PARP14: variants seen among roughly 807,000 people sequenced by gnomAD.
PARP14 encodes the protein protein mono-ADP-ribosyltransferase PARP14.
Under a neutral mutation model 154.2 loss-of-function variants are expected in PARP14, and 59 were observed. The observed-to-expected ratio is 0.38, with a 90% confidence interval of 0.31 to 0.48. The LOEUF (loss-of-function observed/expected upper bound fraction) is 0.48. PARP14 is among the 20% of genes least tolerant of loss of function. The pLI is 0.98. For missense variants in PARP14, 1,734 were observed against 2,131.6 expected (o/e 0.81, Z 3.67); for synonymous variants, 720 against 780.5 (o/e 0.92, Z 1.29).
In PARP14 at chr3:122,704,759, A is replaced by C. The variant is rs752245725; in HGVS notation, c.3540+11A>C. The C allele has an allele frequency of 4.0e-6, 6 of 1,503,280 alleles. No individual in the cohort carries two copies. The highest frequency in any genetic ancestry group is 5.5e-6 in the Non-Finnish European group (6 of 1,096,900). The allele number at this position is 1,503,280 out of a possible 1,614,324, so 93.1% of individuals were successfully genotyped here. ...CATGAAAATATTCAGGTACAGTGCC[A>C]CTAATTTCTGATTATTTTGGCAACT... On this transcript the variant is annotated intron_variant, in intron 8 of 16. Coordinates refer to ENST00000474629, the MANE Select transcript of PARP14 (RefSeq NM_017554.3).
chr3:122,699,297 A>AT (rs905133099), intron 5 of PARP14, 93 bp from the exon 6 acceptor site: 477 of 661,728 alleles, frequency 7.2e-4, no homozygotes, highest in South Asian at 1.0e-3. Context: ...AAAACATTAG[A>AT]TTTTTTTTTC....
chr3:122,691,257 T>C (rs1481039793), intron 3 of PARP14, among the ~76,000 whole-genome samples: 1 of 152,204 alleles, frequency 6.6e-6, no homozygotes, highest in African/African-American at 2.4e-5. Context: ...TCTCCTTACA[T>C]CCAGGGTCTT....
intron 1 of PARP14, chr3:122,683,316 T>C (rs1318051078): frequency 2.0e-6 from 2 of 978,840 alleles, no homozygotes; most frequent in African/African-American, 1.8e-5. Context: ...TGCGGGCCCA[T>C]AGCATAACCT....
intron 5 of PARP14, among the ~76,000 whole-genome samples, chr3:122,698,623 C>T (rs1938855273): frequency 6.6e-6 from 1 of 152,142 alleles, no homozygotes. Context: ...TCCAAGTTAT[C>T]TAACCTTTCC....
In PARP14 at chr3:122,718,848, C is replaced by G; in HGVS notation, c.4697C>G (p.Thr1566Arg). Residue 1566 changes from threonine (T) to arginine (R), a missense_variant, in exon 14 of 17, where the codon ACA becomes AGA. Thr to Arg is a moderately conservative substitution (Grantham distance 71). Coordinates refer to ENST00000474629, the MANE Select transcript of PARP14 (RefSeq NM_017554.3). The stretch of plus-strand genomic sequence containing the variant: ...GATGCAAGGAGAGAAAAGAAAAAAA[C>G]AGTTGATGTCAAAATTAATCATCGG... ...LEDARREKKK[T>R]VDVKINHRHY... The G allele has an allele frequency of 1.2e-6, 2 of 1,613,864 alleles. No homozygotes were observed. Among genetic ancestry groups the G allele is most frequent in the Non-Finnish European group, 1.7e-6 (2 of 1,179,824 alleles).
Position 122,687,660 on chromosome 3 carries a change from C to T in PARP14, c.355+547C>T, listed in dbSNP as rs115746748. On this transcript the variant is annotated intron_variant, in intron 3 of 16. Coordinates refer to ENST00000474629, the MANE Select transcript of PARP14 (RefSeq NM_017554.3). ...CTCATCTGCTCTAGGAAACAGCCAG[C>T]GACCAATTAGCTGTTGTGGACTCCA... 9.1e-3 allele frequency among the ~76,000 whole-genome samples: 1,381 copies of T among 152,300 alleles called. 29 individuals carry two copies. Among genetic ancestry groups the T allele is most frequent in the Admixed American group, 0.043 (653 of 15,294 alleles).
rs986252483 is a variant in PARP14 at position 122,713,585 on chromosome 3, A to G, written c.3769+12A>G. On this transcript the variant is annotated intron_variant, in intron 10 of 16. Coordinates refer to ENST00000474629, the MANE Select transcript of PARP14 (RefSeq NM_017554.3). ...CAATCTCAAAGCAGGTACTTGTACA[A>G]TTTTGATGAGTGCAATAGTTAATGG... The G allele has an allele frequency of 3.7e-6, 6 of 1,611,818 alleles. No homozygotes were observed. The highest frequency in any genetic ancestry group is 4.2e-6 in the Non-Finnish European group (5 of 1,178,112).
chr3:122,695,417 G>C lies in PARP14; in HGVS notation c.599-9G>C. ...ACTGATTTTCTTTCTTTTTTTTTTT[G>C]GTTTGTAGATACTATAAGATTTGTT... is the stretch of plus-strand genomic sequence containing the variant. On this transcript the variant is annotated splice_polypyrimidine_tract_variant and intron_variant, in intron 4 of 16. Transcript: ENST00000474629. The C allele has an allele frequency of 8.7e-7, 1 of 1,144,678 alleles. No individual in the cohort carries two copies. The highest frequency in any genetic ancestry group is 1.2e-6 in the Non-Finnish European group (1 of 807,130). The allele number at this position is 1,144,678 out of a possible 1,614,324, so 70.9% of individuals were successfully genotyped here. A position where few individuals can be genotyped will look rare whatever the true frequency, so the allele number is the denominator to read the frequency against.
At chr3:122,713,699 G>T (rs913600446) in intron 10 of PARP14, 126 bp downstream of exon 10, 20 of 944,620 alleles carry the variant, frequency 2.1e-5, no homozygotes, top group Admixed American at 1.5e-4. Context: ...TGCTGACAGG[G>T]TTTTCCATAA....
At chr3:122,688,052 T>C (rs1458429177) in intron 3 of PARP14, among the ~76,000 whole-genome samples, 1 of 152,182 alleles carries the variant, frequency 6.6e-6, no homozygotes, top group African/African-American at 2.4e-5. Context: ...ATGCATGGCT[T>C]TCTTAGGCAG....
chr3:122,699,300 T>G (rs570990276), intron 5 of PARP14, 90 bp from the exon 6 acceptor site: 9 of 682,256 alleles, frequency 1.3e-5, no homozygotes, highest in Middle Eastern at 2.7e-4. Flanking sequence ...ACATTAGATT[T>G]TTTTTTCTCT....
intron 3 of PARP14, among the ~76,000 whole-genome samples, chr3:122,688,565 TA>T (rs150925528): frequency 0.06 from 9,111 of 152,218 alleles, 317 homozygotes; most frequent in Middle Eastern, 0.088. Context: ...TTGGCTCCTT[TA>T]AAGGAAGCAG....
In PARP14 at chr3:122,714,337, G is replaced by A. The variant is rs776220894; in HGVS notation, c.3908G>A (p.Gly1303Asp). ...LRCKNIIHVI[G>D]GNDVKSSVSS... ...TGCAAGAATATCATTCATGTAATTG[G>A]TGGAAATGATGTCAAGAGTTCAGTT... Residue 1303 changes from glycine to aspartate, a missense_variant, in exon 12 of 17, where the codon GGT becomes GAT. Physicochemically the swap from Gly to Asp is moderately conservative, Grantham distance 94. This residue lies in a region of PARP14 where 1,646 missense variants were observed against 1,976.0 expected (regional missense o/e 0.83). Transcript: ENST00000474629. 6.3e-7 allele frequency: 1 copy of A among 1,590,332 alleles called. No individual in the cohort carries two copies. Among genetic ancestry groups the A allele is most frequent in the East Asian group, 2.3e-5 (1 of 44,220 alleles).
chr3:122,685,789 T>C (rs1206785632), intron 2 of PARP14, among the ~76,000 whole-genome samples: 1 of 151,994 alleles, frequency 6.6e-6, no homozygotes, highest in Non-Finnish European at 1.5e-5. Context: ...ATTACAGTCA[T>C]GAGCCACCGC....
At chr3:122,704,024 G>T in intron 7 of PARP14, 46 bp downstream of exon 7, 1 of 1,337,350 alleles carries the variant, frequency 7.5e-7, no homozygotes, top group Non-Finnish European at 1.1e-6. Flanking sequence ...TAGCCCTTTG[G>T]GTTCTCCTTT....
chr3:122,728,857 G>A lies in PARP14; in HGVS notation c.*260G>A, dbSNP rs1933352085. 2.5e-6 allele frequency: 1 copy of A among 400,876 alleles called. No individual in the cohort carries two copies. Among genetic ancestry groups the A allele is most frequent in the African/African-American group, 2.0e-5 (1 of 49,496 alleles). 24.8% of individuals were successfully genotyped at this position (400,876 alleles called of 1,614,324 possible). ...GTCCACAAGTATGGACATCAAATCTGTGGGAAAAGAACAGGTTTGTATTTT... is the reference window on the plus strand; with the variant it reads ...GTCCACAAGTATGGACATCAAATCTATGGGAAAAGAACAGGTTTGTATTTT... On this transcript the variant is annotated 3_prime_UTR_variant, in exon 17 of 17. Coordinates refer to ENST00000474629, the MANE Select transcript of PARP14 (RefSeq NM_017554.3).
chr3:122,688,309 A>G (rs1938435655), intron 3 of PARP14, among the ~76,000 whole-genome samples: 1 of 152,188 alleles, frequency 6.6e-6, no homozygotes, highest in African/African-American at 2.4e-5. Context: ...ATTTAATCAC[A>G]TCTGTGTTTC....
At position 122,700,684 on chromosome 3, in the gene PARP14, C is replaced by G. The variant is rs1042532097; in HGVS notation, c.2130C>G (p.Asn710Lys). The change falls in exon 6 of 17, where the codon AAC becomes AAG. Residue 710 changes from asparagine (N) to lysine (K), a missense_variant. Asn to Lys is a moderately conservative substitution (Grantham distance 94). Around this residue, in one of 2 missense-constraint regions of PARP14, gnomAD observed 1,646 missense variants for 1,976.0 expected, o/e 0.83. Coordinates refer to ENST00000474629, the MANE Select transcript of PARP14 (RefSeq NM_017554.3). ...TGCAGGTAAGTTTCAATCCTGAGAA[C>G]AAACAAAAAGGCATTTTACTAACTG... ...VNVQVSFNPENKQKGILLTGS... is the reference protein window; with the variant it reads ...VNVQVSFNPEKKQKGILLTGS... 3 of 1,610,006 alleles carry G rather than the reference C, an allele frequency of 1.9e-6. No individual in the cohort carries two copies. The highest frequency in any genetic ancestry group is 1.7e-5 in the Admixed American group (1 of 59,384).
At chr3:122,714,474 T>C in intron 12 of PARP14, 45 bp downstream of exon 12, 19 of 1,461,136 alleles carry the variant, frequency 1.3e-5, no homozygotes, top group Non-Finnish European at 1.7e-5. Flanking sequence ...AGCCATCTAC[T>C]TTCCCTTTCA....
Sources: gnomAD v4.1 joint callset for allele counts (sites outside exome capture counted in the v4.1 genomes callset) on GRCh38, gnomAD v4.1.1 for gene constraint, gnomAD v4.1.1 regional missense constraint, MANE v1.5 for transcripts, NCBI Gene and HGNC (gene_info 2026-07-23, HGNC 2026-07-21) for gene names.